The following ZFHX3 variants were observed in gnomAD, a reference collection of about 807,000 sequenced individuals.
The protein encoded by ZFHX3 is zinc finger homeobox protein 3.
ZFHX3 carries 42 observed loss-of-function variants against 279.1 expected under a neutral mutation model. That is an observed-to-expected ratio of 0.15 (90% CI 0.12 to 0.19). The LOEUF is 0.19. Among genes scored for constraint, ZFHX3 ranks in the 10% least tolerant of loss-of-function variants. ZFHX3 has a pLI of 1.00. For missense variants in ZFHX3, 4,981 were observed against 4,754.0 expected (o/e 1.05, Z -1.40); for synonymous variants, 2,293 against 1,957.8 (o/e 1.17, Z -4.52).
intron 2 of ZFHX3, among the ~76,000 whole-genome samples, chr16:73,490,500 A>C (rs2019041490): frequency 6.6e-6 from 1 of 152,190 alleles, no homozygotes; most frequent in Non-Finnish European, 1.5e-5. Context: ...ACGTAACTCC[A>C]CCTTTCACTG....
chr16:72,863,340 T>TAA (rs66692129), intron 4 of ZFHX3, among the ~76,000 whole-genome samples: 3,047 of 64,592 alleles, frequency 0.047, 280 homozygotes, highest in African/African-American at 0.16. Flanking sequence ...TCATCTCTAC[T>TAA]AAAAAAAAAA....
At chr16:73,717,409 G>A (rs980295521) in intron 1 of ZFHX3, among the ~76,000 whole-genome samples, 3 of 152,058 alleles carry the variant, frequency 2.0e-5, no homozygotes, top group Admixed American at 2.0e-4. Flanking sequence ...CTGCCCCAGT[G>A]CCCTCCTCAC....
chr16:73,819,943 A>C (rs1253601116), intron 1 of ZFHX3, among the ~76,000 whole-genome samples: 1 of 152,116 alleles, frequency 6.6e-6, no homozygotes, highest in East Asian at 1.9e-4. Flanking sequence ...TGGTCACGAC[A>C]ATGTCTCTCA....
At chr16:72,953,924 G>T (rs1961118941) in intron 2 of ZFHX3, among the ~76,000 whole-genome samples, 1 of 152,196 alleles carries the variant, frequency 6.6e-6, no homozygotes, top group Admixed American at 6.5e-5. Context: ...GTGCTGAAAT[G>T]AGTGAGGATG....
intron 7 of ZFHX3, among the ~76,000 whole-genome samples, chr16:73,103,430 C>T (rs921525197): frequency 3.9e-5 from 6 of 152,206 alleles, no homozygotes; most frequent in Non-Finnish European, 8.8e-5. Flanking sequence ...GCAGTTCCCT[C>T]CTCCTGGAGG....
chr16:73,281,116 A>T (rs1227820193), intron 4 of ZFHX3, among the ~76,000 whole-genome samples: 1 of 151,590 alleles, frequency 6.6e-6, no homozygotes, highest in Non-Finnish European at 1.5e-5. Context: ...GTGGTCCAGC[A>T]ATCCCACTAC....
intron 5 of ZFHX3, among the ~76,000 whole-genome samples, chr16:73,155,162 G>T (rs1286446835): frequency 7.6e-6 from 1 of 131,146 alleles, no homozygotes; most frequent in South Asian, 2.4e-4. Flanking sequence ...GACAGAGTGA[G>T]ACTCTGTCTC....
chr16:72,793,206 G>C lies in ZFHX3; in HGVS notation c.9427+49C>G. On this transcript the variant is annotated intron_variant, in intron 9 of 9. Coordinates refer to ENST00000268489, the MANE Select transcript of ZFHX3 (RefSeq NM_006885.4). This position sits in a 1 kb window ranked among gnomAD's most constrained non-coding sequence, Gnocchi z 4.3. ...GGTGGTATCCACATAACAGAATGCTGACTGGGCAGCTATTTAGCCCTGAAA... is the reference window on the plus strand; with the variant it reads ...GGTGGTATCCACATAACAGAATGCTCACTGGGCAGCTATTTAGCCCTGAAA... 6.5e-7 allele frequency: 1 copy of C among 1,550,350 alleles called. No homozygotes were observed. Among genetic ancestry groups the C allele is most frequent in the South Asian group, 1.3e-5 (1 of 79,130 alleles).
chr16:73,754,243 T>C (rs2053786749), intron 1 of ZFHX3, among the ~76,000 whole-genome samples: 1 of 152,194 alleles, frequency 6.6e-6, no homozygotes, highest in Non-Finnish European at 1.5e-5. Context: ...TGATCTACTA[T>C]CTTACTGCTT....
intron 4 of ZFHX3, among the ~76,000 whole-genome samples, chr16:72,883,417 C>T (rs922899301): frequency 6.6e-6 from 1 of 152,138 alleles, no homozygotes; most frequent in Non-Finnish European, 1.5e-5. Context: ...CAAGCACCAC[C>T]ACCATTCTGA....
chr16:73,643,255 G>A (rs779679766), intron 2 of ZFHX3, among the ~76,000 whole-genome samples: 15 of 152,154 alleles, frequency 9.9e-5, no homozygotes, highest in Non-Finnish European at 1.0e-4. Context: ...TTTTGGGAAT[G>A]GCTATTGGTT....
intron 3 of ZFHX3, among the ~76,000 whole-genome samples, chr16:73,348,332 T>A (rs1162363995): frequency 6.6e-6 from 1 of 152,158 alleles, no homozygotes; most frequent in Non-Finnish European, 1.5e-5. Flanking sequence ...CTCCGTTAAG[T>A]CTCCCTGCGA....
intron 1 of ZFHX3, among the ~76,000 whole-genome samples, chr16:72,986,384 C>T (rs1196055251): frequency 6.6e-6 from 1 of 152,204 alleles, no homozygotes. Flanking sequence ...AGAAACCACA[C>T]CACCTTGGTT....
In ZFHX3 at chr16:73,689,838, T is replaced by G. The variant is rs561683730; in HGVS notation, c.-1607-9598A>C. Among the ~76,000 whole-genome samples the G allele has an allele frequency of 4.7e-4, 71 of 151,770 alleles. 1 individual carries two copies. Among genetic ancestry groups the G allele is most frequent in the South Asian group, 1.5e-3 (7 of 4,802 alleles). ...TTTTGTTTTTTTTGTTGTTGTTGTTTTTTTGAGATGGAGTCTCGCTCTGTC... is the reference window on the plus strand; with the variant it reads ...TTTTGTTTTTTTTGTTGTTGTTGTTGTTTTGAGATGGAGTCTCGCTCTGTC... On this transcript the variant is annotated intron_variant, in intron 1 of 17. Transcript: ENST00000641206.
chr16:73,513,790 A>G (rs2019474003), intron 2 of ZFHX3, among the ~76,000 whole-genome samples: 1 of 152,158 alleles, frequency 6.6e-6, no homozygotes, highest in Non-Finnish European at 1.5e-5. Flanking sequence ...TATGGGAATA[A>G]GCACAAAGCC....
At chr16:73,608,156 A>C (rs1028363581) in intron 2 of ZFHX3, among the ~76,000 whole-genome samples, 2 of 152,132 alleles carry the variant, frequency 1.3e-5, no homozygotes, top group African/African-American at 4.8e-5. Context: ...CCCCTCCTAG[A>C]CTGAGGATTA....
intron 3 of ZFHX3, among the ~76,000 whole-genome samples, chr16:73,366,387 A>G (rs1267450642): frequency 2.0e-5 from 3 of 152,100 alleles, no homozygotes; most frequent in Admixed American, 6.6e-5. Context: ...ATAGAAAATA[A>G]AAATCTGCTC....
In ZFHX3 at chr16:72,784,607, T is replaced by TACA. The variant is rs972737698; in HGVS notation, c.*2554_*2556dup. ...TAAAATAATGGAAAACAAAAAACTGTACAACTTTAAAATTTAAAAATGTTC... is the reference window on the plus strand; with the variant it reads ...TAAAATAATGGAAAACAAAAAACTGTACAACAACTTTAAAATTTAAAAATGTTC... On this transcript the variant is annotated 3_prime_UTR_variant, in exon 10 of 10. Transcript: ENST00000268489. 11 of 152,314 alleles carry TACA rather than the reference T, an allele frequency of 7.2e-5. No homozygotes were observed. Among genetic ancestry groups the TACA allele is most frequent in the Non-Finnish European group, 1.3e-4 (9 of 67,960 alleles). 9.4% of individuals were successfully genotyped at this position (152,314 alleles called of 1,614,324 possible).
chr16:73,681,286 A>G (rs887542236), intron 1 of ZFHX3, among the ~76,000 whole-genome samples: 5 of 152,352 alleles, frequency 3.3e-5, no homozygotes, highest in African/African-American at 9.6e-5. Context: ...TGATTGATCC[A>G]ATTACTGGTT....
Sources: allele counts gnomAD v4.1 joint callset (sites outside exome capture counted in the v4.1 genomes callset), GRCh38; gene constraint gnomAD v4.1.1; non-coding constraint Gnocchi (gnomAD v3.1); transcripts MANE v1.5; gene names NCBI Gene and HGNC (gene_info 2026-07-23, HGNC 2026-07-21).